Variants in PCDH15 observed in about 807,000 individuals in gnomAD.
PCDH15 encodes the protein protocadherin-15.
PCDH15 carries 129 observed loss-of-function variants against 178.5 expected under a neutral mutation model. That is an observed-to-expected ratio of 0.72 (90% CI 0.63 to 0.84). The LOEUF (loss-of-function observed/expected upper bound fraction) is 0.84. Among genes scored for constraint, PCDH15 ranks in the 40% least tolerant of loss-of-function variants. The pLI, the probability that PCDH15 is intolerant of heterozygous loss-of-function variation, is 0.00. For missense variants in PCDH15, 2,230 were observed against 2,099.9 expected (o/e 1.06, Z -1.21); for synonymous variants, 800 against 732.0 (o/e 1.09, Z -1.50).
intron 2 of PCDH15, among the ~76,000 whole-genome samples, chr10:55,576,731 TA>T (rs57969658): frequency 3.3e-4 from 50 of 149,434 alleles, no homozygotes; most frequent in South Asian, 1.3e-3. Flanking sequence ...AACAGATATC[TA>T]AAAAAAAAAT....
At position 55,436,631 on chromosome 10, in the gene PCDH15, A is replaced by G. The variant is rs1413673; in HGVS notation, c.-156+190994T>C. 3.2e-4 allele frequency among the ~76,000 whole-genome samples: 49 copies of G among 152,258 alleles called. 2 individuals are homozygous for G. The East Asian group carries it at 7.9e-3, about 25-fold the overall frequency. ...TCGAGAAGTTCAAGTTCAGTTCACAAAGACTCCATCCTATTGAGTTATAAG... is the reference window on the plus strand; with the variant it reads ...TCGAGAAGTTCAAGTTCAGTTCACAGAGACTCCATCCTATTGAGTTATAAG... On this transcript the variant is annotated intron_variant, in intron 2 of 5. Transcript: ENST00000613346.
At chr10:53,835,050 A>G (rs1900418) in intron 29 of PCDH15, among the ~76,000 whole-genome samples, 60,631 of 152,036 alleles carry the variant, frequency 0.4, 12,798 homozygotes, top group East Asian at 0.75. Flanking sequence ...TCATGGTTAG[A>G]TCATCAACTA....
intron 1 of PCDH15, among the ~76,000 whole-genome samples, chr10:54,701,097 C>A (rs2095304448): frequency 6.6e-6 from 1 of 151,926 alleles, no homozygotes. Flanking sequence ...AGATTTCTTC[C>A]TACATAATTA....
chr10:54,847,099 G>A (rs1953531162), intron 3 of PCDH15, among the ~76,000 whole-genome samples: 1 of 152,088 alleles, frequency 6.6e-6, no homozygotes, highest in Non-Finnish European at 1.5e-5. Context: ...CACCTTTTGA[G>A]GATTTTACTA....
chr10:55,179,592 T>A (rs12244192), intron 1 of PCDH15, among the ~76,000 whole-genome samples: 73,583 of 151,690 alleles, frequency 0.49, 18,064 homozygotes, highest in East Asian at 0.67. Flanking sequence ...AGCCACAAAG[T>A]TAGCTTACCC....
At chr10:53,809,252 CCT>C in intron 37 of PCDH15, 1 of 1,613,910 alleles carries the variant, frequency 6.2e-7, no homozygotes, top group Non-Finnish European at 8.5e-7. Context: ...GAGGATTCCT[CCT>C]CTGATTCTAC....
At chr10:55,282,613 T>TA (rs1842760712) in intron 1 of PCDH15, among the ~76,000 whole-genome samples, 1 of 152,186 alleles carries the variant, frequency 6.6e-6, no homozygotes, top group African/African-American at 2.4e-5. Flanking sequence ...AAAGTCTCCA[T>TA]AAAAGAAGTT....
At chr10:54,501,679 T>C (rs2080702992) in intron 3 of PCDH15, among the ~76,000 whole-genome samples, 1 of 152,266 alleles carries the variant, frequency 6.6e-6, no homozygotes, top group South Asian at 2.1e-4. Flanking sequence ...TTCTTTAATA[T>C]GAAGTTCTTA....
intron 2 of PCDH15, among the ~76,000 whole-genome samples, chr10:55,602,050 C>G (rs1843094472): frequency 6.6e-6 from 1 of 152,118 alleles, no homozygotes; most frequent in Admixed American, 6.5e-5. Flanking sequence ...CCAGCCAAAG[C>G]AGGGCGAGGC....
At chr10:54,857,593 G>A (rs374005070) in intron 3 of PCDH15, among the ~76,000 whole-genome samples, 50 of 151,524 alleles carry the variant, frequency 3.3e-4, no homozygotes, top group African/African-American at 1.1e-3. Flanking sequence ...TTACAGGCAC[G>A]TGCCGCCATG....
intron 2 of PCDH15, among the ~76,000 whole-genome samples, chr10:54,622,666 TA>T (rs2093410078): frequency 1.1e-5 from 1 of 89,804 alleles, no homozygotes; most frequent in African/African-American, 5.1e-5. Context: ...ATATAATATA[TA>T]TTATATATAA....
chr10:54,131,927 C>T (rs994800759), intron 15 of PCDH15, among the ~76,000 whole-genome samples: 15 of 152,070 alleles, frequency 9.9e-5, no homozygotes, highest in Non-Finnish European at 1.3e-4. Flanking sequence ...TGTTAATATT[C>T]GAATGGGATT....
chr10:55,372,521 C>G (rs1048671246), intron 2 of PCDH15, among the ~76,000 whole-genome samples: 2 of 152,126 alleles, frequency 1.3e-5, no homozygotes, highest in Non-Finnish European at 2.9e-5. Flanking sequence ...CATGTATGAA[C>G]AGTGTGCATG....
intron 3 of PCDH15, among the ~76,000 whole-genome samples, chr10:54,518,404 A>T (rs915310472): frequency 1.6e-4 from 25 of 152,190 alleles, no homozygotes; most frequent in African/African-American, 6.0e-4. Flanking sequence ...ACAGAAATAC[A>T]AACTACCATC....
At chr10:54,135,936 T>C (rs1292091912) in intron 14 of PCDH15, among the ~76,000 whole-genome samples, 1 of 152,210 alleles carries the variant, frequency 6.6e-6, no homozygotes, top group Non-Finnish European at 1.5e-5. Flanking sequence ...CATGTATACA[T>C]ATATATGAAA....
At chr10:54,912,266 C>T (rs1305724734) in intron 2 of PCDH15, among the ~76,000 whole-genome samples, 8 of 151,892 alleles carry the variant, frequency 5.3e-5, no homozygotes, top group Non-Finnish European at 1.2e-4. Context: ...TAGGAAGATA[C>T]TAGATATAGT....
At chr10:55,325,585 C>T (rs570321797) in intron 2 of PCDH15, among the ~76,000 whole-genome samples, 5 of 152,086 alleles carry the variant, frequency 3.3e-5, no homozygotes, top group Non-Finnish European at 7.4e-5. Context: ...GGATTGAAGA[C>T]TTAAATATAA....
upstream of PCDH15, among the ~76,000 whole-genome samples, chr10:54,804,741 T>A (rs577065020): frequency 6.6e-6 from 1 of 151,600 alleles, no homozygotes. Context: ...AATGCTCTAC[T>A]GTATGCCAAA....
chr10:54,528,450 GGAAGAA>G (rs1589911724), intron 2 of PCDH15: 1 of 1,472,632 alleles, frequency 6.8e-7, no homozygotes, highest in East Asian at 2.4e-5. Context: ...TCAGAAAAAT[GGAAGAA>G]AGAAAGGAAG....
Sources: gnomAD v4.1 joint callset for allele counts (sites outside exome capture counted in the v4.1 genomes callset) on GRCh38, gnomAD v4.1.1 for gene constraint, MANE v1.5 for transcripts, NCBI Gene and HGNC (gene_info 2026-07-23, HGNC 2026-07-21) for gene names.